POLE4: variants seen among roughly 807,000 people sequenced by gnomAD.
POLE4 encodes DNA polymerase epsilon subunit 4.
A neutral mutation model predicts 15.6 loss-of-function variants in POLE4; 15 were observed. The observed-to-expected ratio is 0.96, with a 90% CI of 0.64 to 1.48. The LOEUF (loss-of-function observed/expected upper bound fraction) is 1.48. POLE4 is among the 40% of genes most tolerant of loss of function. The pLI is 0.00. For synonymous variants in POLE4, 83 were observed against 63.2 expected (o/e 1.31, Z -1.49); for missense variants, 205 against 151.9 (o/e 1.35, Z -1.84).
intron 3 of POLE4, chr2:74,960,490 G>A (rs987724598): frequency 2.2e-6 from 1 of 462,700 alleles, no homozygotes; most frequent in Non-Finnish European, 4.2e-6. Context: ...AGAAACAATT[G>A]TTAACATTTA....
Position 74,969,420 on chromosome 2 carries a change from T to A in POLE4, c.352T>A (p.Ter118ArgextTer8). 2 of 1,613,880 alleles carry A rather than the reference T, an allele frequency of 1.2e-6. No homozygotes were observed. The highest frequency in any genetic ancestry group is 1.7e-6 in the Non-Finnish European group (2 of 1,179,758). ...EFAFLEGTLD* is the reference protein window; with the variant it reads ...EFAFLEGTLDR ...CTTTGTATGTTTAGGTACTTTAGAT[T>A]GATTGCCGAGCGGGGCAGTTTTGTG... Residue 118 changes from the stop codon to arginine, a stop_lost, in exon 4 of 4, where the codon TGA becomes AGA. Coordinates refer to ENST00000483063, the MANE Select transcript of POLE4 (RefSeq NM_019896.4).
intron 3 of POLE4, chr2:74,960,565 GACTTGT>G (rs761485768): frequency 1.2e-4 from 58 of 502,156 alleles, no homozygotes; most frequent in Middle Eastern, 6.4e-4. Flanking sequence ...GCTGCAATAA[GACTTGT>G]ACTTGTCTGT....
At chr2:74,968,454 G>C (rs940135069) in intron 3 of POLE4, among the ~76,000 whole-genome samples, 1 of 152,012 alleles carries the variant, frequency 6.6e-6, no homozygotes, top group African/African-American at 2.4e-5. Context: ...GGTGGTTGTT[G>C]CCTGGCAGCT....
chr2:74,960,743 G>A (rs1671204629), intron 3 of POLE4: 2 of 374,908 alleles, frequency 5.3e-6, no homozygotes, highest in African/African-American at 2.1e-5. Context: ...ATGTAGTCAT[G>A]TGCTGCGTAA....
chr2:74,966,095 G>A (rs1322258253), intron 3 of POLE4, among the ~76,000 whole-genome samples: 1 of 142,972 alleles, frequency 7.0e-6, no homozygotes, highest in Non-Finnish European at 1.5e-5. Flanking sequence ...ATTATTATTT[G>A]ATTTTTTTCC....
chr2:74,960,167 C>A lies in POLE4; in HGVS notation c.340+21C>A, dbSNP rs113387593. The A allele has an allele frequency of 3.9e-4, 624 of 1,592,770 alleles. 1 individual carries two copies. The African/African-American group carries it at 7.3e-3, about 19-fold the overall frequency. On this transcript the variant is annotated intron_variant, in intron 3 of 3. Coordinates refer to ENST00000483063, the MANE Select transcript of POLE4 (RefSeq NM_019896.4). ...GGAAGGTGAGTTCCCTCTCAGTGGG[C>A]AATCATTTCCGCCTGTCTTTTGCAT...
chr2:74,963,422 G>A (rs1423162983), intron 3 of POLE4, among the ~76,000 whole-genome samples: 2 of 151,416 alleles, frequency 1.3e-5, no homozygotes, highest in Non-Finnish European at 2.9e-5. Flanking sequence ...TTTTTTGAGG[G>A]GTGTCTTCTA....
In POLE4 at chr2:74,969,426, C is replaced by A. The variant is rs1305351549; in HGVS notation, c.*4C>A. On this transcript the variant is annotated 3_prime_UTR_variant, in exon 4 of 4. Coordinates refer to ENST00000483063, the MANE Select transcript of POLE4 (RefSeq NM_019896.4). ...ATGTTTAGGTACTTTAGATTGATTG[C>A]CGAGCGGGGCAGTTTTGTGAGCCTT... 1.2e-6 allele frequency: 2 copies of A among 1,613,390 alleles called. No individual in the cohort carries two copies. The highest frequency in any genetic ancestry group is 8.5e-7 in the Non-Finnish European group (1 of 1,179,474).
At chr2:74,965,219 G>A (rs769363720) in intron 3 of POLE4, among the ~76,000 whole-genome samples, 3 of 150,922 alleles carry the variant, frequency 2.0e-5, no homozygotes, top group African/African-American at 7.3e-5. Flanking sequence ...TCAGCCTCTC[G>A]AGTAGCTGGG....
intron 3 of POLE4, among the ~76,000 whole-genome samples, chr2:74,963,632 C>T (rs939521471): frequency 6.6e-6 from 1 of 151,916 alleles, no homozygotes; most frequent in Admixed American, 6.6e-5. Flanking sequence ...GGACTACAGG[C>T]GTGTACCACC....
At position 74,959,411 on chromosome 2, in the gene POLE4, AGAG is replaced by A. The variant is rs1671182671; in HGVS notation, c.288_290del (p.Arg97del). On this transcript the variant is annotated inframe_deletion, in exon 2 of 4. Transcript: ENST00000483063. ...CAGCAGGGAAAAAGGAAAACCCTTC[AGAG>A]GAGAGACTTGGGTAGAGTGGCACTG... is the stretch of plus-strand genomic sequence containing the variant. 1 of 1,610,856 alleles carries A rather than the reference AGAG, an allele frequency of 6.2e-7. No individual in the cohort carries two copies. Among genetic ancestry groups the A allele is most frequent in the Non-Finnish European group, 8.5e-7 (1 of 1,176,998 alleles).
intron 1 of POLE4, 175 bp from the exon 2 acceptor site, chr2:74,959,166 C>T (rs929895611): frequency 1.6e-6 from 1 of 617,366 alleles, no homozygotes; most frequent in African/African-American, 1.9e-5. Context: ...AGGGAGAATA[C>T]TGGGAAGAGG....
chr2:74,967,751 C>G (rs1389933030), intron 3 of POLE4, among the ~76,000 whole-genome samples: 4 of 152,174 alleles, frequency 2.6e-5, no homozygotes, highest in Non-Finnish European at 5.9e-5. Context: ...TATGGTGATA[C>G]TTTCTCCAAA....
intron 3 of POLE4, among the ~76,000 whole-genome samples, chr2:74,964,135 AC>A (rs960885931): frequency 9.9e-5 from 15 of 152,270 alleles, no homozygotes; most frequent in Non-Finnish European, 1.8e-4. Context: ...TTGCAGTGCT[AC>A]CTTTCTTATC....
intron 3 of POLE4, 160 bp downstream of exon 3, chr2:74,960,306 G>C (rs987305844): frequency 1.5e-6 from 1 of 652,408 alleles, no homozygotes; most frequent in Non-Finnish European, 2.7e-6. Context: ...AACCTAGTGA[G>C]GTTCAGTTTT....
At chr2:74,966,221 A>C (rs1671294183) in intron 3 of POLE4, among the ~76,000 whole-genome samples, 1 of 152,014 alleles carries the variant, frequency 6.6e-6, no homozygotes. Flanking sequence ...ATTCTCAACA[A>C]ATTGAGATCT....
intron 1 of POLE4, 184 bp from the exon 2 acceptor site, chr2:74,959,157 G>A (rs1436740214): frequency 3.2e-6 from 2 of 615,540 alleles, no homozygotes; most frequent in African/African-American, 3.7e-5. Flanking sequence ...TAGTGAATGA[G>A]GGAGAATACT....
rs1286790792 is a variant in POLE4 at position 74,958,904 on chromosome 2, G to T, written c.213+12G>T. 6.4e-7 allele frequency: 1 copy of T among 1,550,648 alleles called. No individual in the cohort carries two copies. Among genetic ancestry groups the T allele is most frequent in the Non-Finnish European group, 8.7e-7 (1 of 1,146,066 alleles). On this transcript the variant is annotated intron_variant, in intron 1 of 3. Coordinates refer to ENST00000483063, the MANE Select transcript of POLE4 (RefSeq NM_019896.4). ...TGGCACGAGCCGCGGTGCGCCTGCA[G>T]CGCGAGGGCATGCGGGAGTGGGGGA...
At position 74,958,858 on chromosome 2, in the gene POLE4, G is replaced by A; in HGVS notation, c.179G>A (p.Gly60Glu). The A allele has an allele frequency of 6.4e-7, 1 of 1,561,490 alleles. No individual in the cohort carries two copies. The highest frequency in any genetic ancestry group is 8.7e-7 in the Non-Finnish European group (1 of 1,152,884). Residue 60 changes from glycine (G) to glutamate (E), a missense_variant, in exon 1 of 4, where the codon GGA (glycine) becomes GAA (glutamate). Physicochemically the swap from Gly to Glu is moderately conservative, Grantham distance 98 (BLOSUM62 -2). Transcript: ENST00000483063. ...GCAGATCCCGACGTGACGCTAGCGG[G>A]ACAGGAAGCCATCTTCATTCTGGCA... ...VKADPDVTLA[G>E]QEAIFILARA...
Sources: allele counts gnomAD v4.1 joint callset (sites outside exome capture counted in the v4.1 genomes callset), GRCh38; gene constraint gnomAD v4.1.1; transcripts MANE v1.5; gene names NCBI Gene and HGNC (gene_info 2026-07-23, HGNC 2026-07-21).